Variants in KCNQ3 observed in about 807,000 individuals in gnomAD.
KCNQ3 encodes the protein potassium voltage-gated channel subfamily Q member 3.
A neutral mutation model predicts 92.5 loss-of-function variants in KCNQ3; 30 were observed. That is an observed-to-expected ratio of 0.32 (90% CI 0.24 to 0.44). The LOEUF (loss-of-function observed/expected upper bound fraction) is 0.44. KCNQ3 is among the 20% of genes least tolerant of loss of function. The probability of loss-of-function intolerance (pLI) is 1.00; values close to 1 mark genes in which losing one functional copy is unlikely to be tolerated. For synonymous variants in KCNQ3, 450 were observed against 468.8 expected, an observed-to-expected ratio of 0.96 and a Z score of 0.52; for missense variants, 913 against 1,140.3, an observed-to-expected ratio of 0.80 and a Z score of 2.87.
At chr8:132,268,393 T>C (rs1816054753) in intron 1 of KCNQ3, among the ~76,000 whole-genome samples, 1 of 152,004 alleles carries the variant, frequency 6.6e-6, no homozygotes, top group Admixed American at 6.6e-5. Context: ...GCTTCCCGAG[T>C]AACTGGGAGC....
chr8:132,321,107 T>C (rs1006333343), intron 1 of KCNQ3, among the ~76,000 whole-genome samples: 9 of 152,218 alleles, frequency 5.9e-5, no homozygotes, highest in African/African-American at 2.2e-4. Context: ...CAGCTGTAGG[T>C]TGTGGTTATT....
chr8:132,418,003 A>C (rs1235224522), intron 1 of KCNQ3, among the ~76,000 whole-genome samples: 1 of 151,604 alleles, frequency 6.6e-6, no homozygotes, highest in African/African-American at 2.4e-5. Context: ...GTTGAGGGGA[A>C]TATTTCTCCA....
chr8:132,428,128 A>G lies in KCNQ3; in HGVS notation c.386+52019T>C, dbSNP rs551291407. ...TCTCTCTCGACTTCTCGGTCTCTGC[A>G]CCTCTGCTCTCTCAATACCCATCTT... On this transcript the variant is annotated intron_variant, in intron 1 of 14. Transcript: ENST00000388996. Among the ~76,000 whole-genome samples, 16 of 151,616 alleles carry G rather than the reference A, an allele frequency of 1.1e-4. No homozygotes were observed. The South Asian group carries it at 3.3e-3, about 32-fold the overall frequency.
At chr8:132,168,240 C>T (rs929803114) in intron 8 of KCNQ3, among the ~76,000 whole-genome samples, 2 of 152,120 alleles carry the variant, frequency 1.3e-5, no homozygotes, top group African/African-American at 4.8e-5. Flanking sequence ...TATTTGCTAG[C>T]TGATCTTCTT....
chr8:132,246,284 G>A (rs1815175823), intron 1 of KCNQ3, among the ~76,000 whole-genome samples: 2 of 152,118 alleles, frequency 1.3e-5, no homozygotes, highest in African/African-American at 4.8e-5. Flanking sequence ...TAGCCAAATG[G>A]GATATTTCCA....
chr8:132,462,528 T>C (rs1378733570), intron 1 of KCNQ3, among the ~76,000 whole-genome samples: 4 of 152,354 alleles, frequency 2.6e-5, no homozygotes, highest in Admixed American at 1.3e-4. Flanking sequence ...TTAAGTTATA[T>C]GAATTATATT....
At chr8:132,259,652 G>A (rs907079427) in intron 1 of KCNQ3, among the ~76,000 whole-genome samples, 2 of 151,960 alleles carry the variant, frequency 1.3e-5, no homozygotes, top group Non-Finnish European at 2.9e-5. Context: ...GTTCTATTCA[G>A]GACAATGAGG....
At position 132,451,093 on chromosome 8, in the gene KCNQ3, C is replaced by A. The variant is rs541262344; in HGVS notation, c.386+29054G>T. Reference sequence around the variant, plus strand: ...ATCCCCATGTTCCATGGGAGGGACCCGGTGGGAGGTAACTGAATCATGGGG... The same window carrying A: ...ATCCCCATGTTCCATGGGAGGGACCAGGTGGGAGGTAACTGAATCATGGGG... On this transcript the variant is annotated intron_variant, in intron 1 of 14. Coordinates refer to ENST00000388996, the MANE Select transcript of KCNQ3 (RefSeq NM_004519.4). 2.0e-5 allele frequency among the ~76,000 whole-genome samples: 3 copies of A among 152,136 alleles called. No individual in the cohort carries two copies. The South Asian group carries it at 6.2e-4, about 32-fold the overall frequency.
chr8:132,441,954 CTCA>C (rs1296305949), intron 1 of KCNQ3, among the ~76,000 whole-genome samples: 30 of 152,126 alleles, frequency 2.0e-4, no homozygotes, highest in African/African-American at 7.0e-4. Flanking sequence ...GGCCATTATC[CTCA>C]GCAAACTAAC....
intron 1 of KCNQ3, among the ~76,000 whole-genome samples, chr8:132,379,248 T>C (rs553408225): frequency 6.6e-6 from 1 of 152,234 alleles, no homozygotes; most frequent in African/African-American, 2.4e-5. Context: ...GCACATTACA[T>C]GGATTGTCTC....
At chr8:132,408,587 G>A (rs1003052090) in intron 1 of KCNQ3, among the ~76,000 whole-genome samples, 3 of 152,172 alleles carry the variant, frequency 2.0e-5, no homozygotes, top group Non-Finnish European at 2.9e-5. Context: ...TGAAATTCCA[G>A]CAACTATTTT....
intron 9 of KCNQ3, among the ~76,000 whole-genome samples, chr8:132,143,525 G>C (rs1825361866): frequency 6.6e-6 from 1 of 152,188 alleles, no homozygotes; most frequent in South Asian, 2.1e-4. Flanking sequence ...AAACCAGCCT[G>C]GTGGAAGCAT....
At chr8:132,165,350 T>C (rs527550536) in intron 8 of KCNQ3, among the ~76,000 whole-genome samples, 1 of 152,228 alleles carries the variant, frequency 6.6e-6, no homozygotes, top group South Asian at 2.1e-4. Context: ...CAATACCAAA[T>C]AGAGTGCACA....
intron 7 of KCNQ3, among the ~76,000 whole-genome samples, chr8:132,171,817 C>T (rs530371016): frequency 1.3e-5 from 2 of 152,054 alleles, no homozygotes; most frequent in African/African-American, 4.8e-5. Flanking sequence ...AAGCCTAGTG[C>T]AGCCCCAGGT....
At chr8:132,154,539 AGAT>A (rs749812597) in intron 9 of KCNQ3, among the ~76,000 whole-genome samples, 2 of 152,128 alleles carry the variant, frequency 1.3e-5, no homozygotes, top group Non-Finnish European at 2.9e-5. Flanking sequence ...AATGGCAGTT[AGAT>A]GTACTTCTTT....
intron 1 of KCNQ3, among the ~76,000 whole-genome samples, chr8:132,333,017 T>TTGGATGGATGGATGGA (rs3049635): frequency 2.0e-5 from 3 of 149,942 alleles, no homozygotes; most frequent in African/African-American, 7.4e-5. Context: ...GATGAATGGA[T>TTGGATGGATGGATGGA]TGGATGGATG....
intron 1 of KCNQ3, 28 bp from the exon 2 acceptor site, chr8:132,186,209 G>A: frequency 1.9e-6 from 3 of 1,546,232 alleles, no homozygotes; most frequent in Non-Finnish European, 2.7e-6. Flanking sequence ...AATGGACTAA[G>A]GAACCTTTGA....
chr8:132,130,178 G>A (rs958752884), intron 14 of KCNQ3, among the ~76,000 whole-genome samples, 182 bp from the exon 15 acceptor site: 9 of 151,678 alleles, frequency 5.9e-5, no homozygotes, highest in African/African-American at 9.7e-5. Flanking sequence ...CGCCTCCCGG[G>A]TTCAAGCAGT....
intron 1 of KCNQ3, among the ~76,000 whole-genome samples, chr8:132,313,880 G>T (rs1335897047): frequency 1.3e-5 from 2 of 152,136 alleles, no homozygotes; most frequent in East Asian, 3.9e-4. Flanking sequence ...CCCATGCACT[G>T]GTTAACACTT....
Sources: allele counts gnomAD v4.1 joint callset (sites outside exome capture counted in the v4.1 genomes callset), GRCh38; gene constraint gnomAD v4.1.1; transcripts MANE v1.5; gene names NCBI Gene and HGNC (gene_info 2026-07-23, HGNC 2026-07-21).